Variants in POMK observed in about 807,000 individuals in gnomAD.
The protein encoded by POMK is protein O-mannose kinase, also known as Sugen kinase 196.
Under a neutral mutation model 23.0 loss-of-function variants are expected in POMK, and 19 were observed. The observed-to-expected ratio is 0.83, with a 90% CI of 0.58 to 1.21. The LOEUF (loss-of-function observed/expected upper bound fraction) is 1.21. Ranked by LOEUF, POMK falls within the 50% of genes most tolerant of loss-of-function variation. POMK has a pLI of 0.00. For synonymous variants in POMK, 173 were observed against 171.6 expected, an observed-to-expected ratio of 1.01 and a Z score of -0.06; for missense variants, 410 against 431.3, an observed-to-expected ratio of 0.95 and a Z score of 0.44.
rs544072441 is a variant in POMK at position 43,117,268 on chromosome 8, G to A, written c.283-4839G>A. 3.9e-5 allele frequency among the ~76,000 whole-genome samples: 6 copies of A among 152,346 alleles called. No homozygotes were observed. In the East Asian group the frequency reaches 9.6e-4, roughly 24 times the overall value. ...GGGCGTATATGTGCAAGTCACAGGG[G>A]ATGCGATGGCTTGGCTTGGGCTCAG... On this transcript the variant is annotated intron_variant, in intron 4 of 4. Coordinates refer to ENST00000331373, the MANE Select transcript of POMK (RefSeq NM_032237.5).
At position 43,122,288 on chromosome 8, in the gene POMK, G is replaced by C; in HGVS notation, c.464G>C (p.Gly155Ala). 1 of 1,614,178 alleles carries C rather than the reference G, an allele frequency of 6.2e-7. No homozygotes were observed. The change falls in exon 5 of 5, where the codon GGT (glycine) becomes GCT (alanine). Residue 155 changes from glycine (G) to alanine (A), a missense_variant. Coordinates refer to ENST00000331373, the MANE Select transcript of POMK (RefSeq NM_032237.5). ...NTMLTEYHPL[G>A]SLSNLEETLN... The stretch of plus-strand genomic sequence containing the variant: ...ATGCTTACTGAATATCACCCTCTAG[G>C]TTCCTTGAGTAACCTGGAAGAAACA...
intron 4 of POMK, among the ~76,000 whole-genome samples, chr8:43,110,648 T>A (rs1478423934): frequency 6.6e-6 from 1 of 152,200 alleles, no homozygotes; most frequent in Non-Finnish European, 1.5e-5. Context: ...CTGGGCGTGG[T>A]GGCTCACGCC....
chr8:43,108,037 C>G (rs1373946493), intron 4 of POMK, among the ~76,000 whole-genome samples: 1 of 152,170 alleles, frequency 6.6e-6, no homozygotes, highest in East Asian at 1.9e-4. Context: ...GAACTCTGTT[C>G]CATAAGGAAT....
chr8:43,122,978 GTTTT>G lies in POMK; in HGVS notation c.*106_*109del. 1.9e-6 allele frequency: 2 copies of G among 1,077,582 alleles called. No homozygotes were observed. Among genetic ancestry groups the G allele is most frequent in the Non-Finnish European group, 2.7e-6 (2 of 753,488 alleles). The allele number at this position is 1,077,582 out of a possible 1,614,324, so 66.8% of individuals were successfully genotyped here. On this transcript the variant is annotated 3_prime_UTR_variant, in exon 5 of 5. Coordinates refer to ENST00000331373, the MANE Select transcript of POMK (RefSeq NM_032237.5). ...TTTTGCCTGAGTTTCGTGTTTTATT[GTTTT>G]TTTTATGGCTTAGCCATGTGGTTCG...
At chr8:43,095,679 A>G (rs1184690927) in intron 1 of POMK, among the ~76,000 whole-genome samples, 3 of 152,294 alleles carry the variant, frequency 2.0e-5, no homozygotes, top group African/African-American at 4.8e-5. Context: ...CACTTGCACA[A>G]ATACCTTCCA....
At chr8:43,109,668 G>A (rs1811610235) in intron 4 of POMK, among the ~76,000 whole-genome samples, 1 of 151,772 alleles carries the variant, frequency 6.6e-6, no homozygotes, top group Non-Finnish European at 1.5e-5. Context: ...TCAGCCTCCC[G>A]AGTAGCTGGG....
chr8:43,100,049 C>T (rs1811406851), intron 2 of POMK, among the ~76,000 whole-genome samples: 1 of 152,172 alleles, frequency 6.6e-6, no homozygotes, highest in Admixed American at 6.5e-5. Context: ...GACAGAGAGT[C>T]ATCTGAGAGG....
At chr8:43,100,267 A>C (rs1163247945) in intron 2 of POMK, among the ~76,000 whole-genome samples, 1 of 152,114 alleles carries the variant, frequency 6.6e-6, no homozygotes, top group African/African-American at 2.4e-5. Context: ...GCCTTATGGC[A>C]GGTGAGGCTC....
intron 2 of POMK, among the ~76,000 whole-genome samples, chr8:43,101,011 G>A (rs1045917374): frequency 2.6e-5 from 4 of 152,230 alleles, no homozygotes; most frequent in Admixed American, 2.0e-4. Context: ...TCTGGAGTAC[G>A]CTCAAGAGCG....
intron 4 of POMK, among the ~76,000 whole-genome samples, chr8:43,106,987 G>A (rs548231976): frequency 2.0e-5 from 3 of 152,148 alleles, no homozygotes; most frequent in African/African-American, 7.2e-5. Flanking sequence ...CTTTGCAGCT[G>A]TCTGAGTATA....
chr8:43,093,838 G>A (rs1811274498), intron 1 of POMK, among the ~76,000 whole-genome samples: 1 of 152,240 alleles, frequency 6.6e-6, no homozygotes, highest in African/African-American at 2.4e-5. Flanking sequence ...TAATCCCAGC[G>A]CTTTGGGAGG....
At chr8:43,107,492 A>T (rs370790766) in intron 4 of POMK, among the ~76,000 whole-genome samples, 1 of 151,554 alleles carries the variant, frequency 6.6e-6, no homozygotes, top group African/African-American at 2.4e-5. Flanking sequence ...TTCCTGCCTC[A>T]GCCTCCTGAG....
intron 1 of POMK, among the ~76,000 whole-genome samples, chr8:43,094,805 A>G (rs1331986329): frequency 5.9e-5 from 9 of 152,090 alleles, no homozygotes; most frequent in Non-Finnish European, 4.4e-5. Flanking sequence ...GCCTTTCTCT[A>G]TCAATAAGCC....
intron 4 of POMK, 81 bp downstream of exon 4, chr8:43,103,911 A>G (rs1811498332): frequency 4.4e-6 from 6 of 1,374,932 alleles, no homozygotes; most frequent in Non-Finnish European, 6.1e-6. Context: ...CCATGCTGGC[A>G]CGGATTACGG....
At position 43,122,553 on chromosome 8, in the gene POMK, G is replaced by A. The variant is rs1029880562; in HGVS notation, c.729G>A (p.Lys243=). ...LVNHSSGMLV[K]CGHRELHGDF... is the part of the protein sequence containing the mutation. ...ACCACAGCTCCGGGATGCTGGTGAA[G>A]TGCGGCCACAGGGAGCTGCATGGGG... Residue 243 remains lysine, a synonymous_variant, in exon 5 of 5, where the codon AAG becomes AAA. Coordinates refer to ENST00000331373, the MANE Select transcript of POMK (RefSeq NM_032237.5). The A allele has an allele frequency of 3.1e-6, 5 of 1,614,224 alleles. No homozygotes were observed. Among genetic ancestry groups the A allele is most frequent in the Non-Finnish European group, 4.2e-6 (5 of 1,180,042 alleles).
Position 43,114,584 on chromosome 8 carries a change from G to T in POMK, c.283-7523G>T, listed in dbSNP as rs139202438. ...TTCCTGAGTGAGGCACTGCCTCGCC[G>T]TGCTTCGGCTCGTGCACGGTGCGCT... is the stretch of plus-strand genomic sequence containing the variant. On this transcript the variant is annotated intron_variant, in intron 4 of 4. Coordinates refer to ENST00000331373, the MANE Select transcript of POMK (RefSeq NM_032237.5). Among the ~76,000 whole-genome samples the T allele has an allele frequency of 2.5e-3, 383 of 152,312 alleles. 2 individuals are homozygous for T. The highest frequency in any genetic ancestry group is 0.011 in the South Asian group (53 of 4,830).
intron 4 of POMK, among the ~76,000 whole-genome samples, chr8:43,108,254 C>T (rs1295152638): frequency 6.6e-6 from 1 of 152,150 alleles, no homozygotes; most frequent in Non-Finnish European, 1.5e-5. Flanking sequence ...TTCCCAAGGG[C>T]TTTTACTGGC....
At chr8:43,112,544 C>T (rs377695645) in intron 4 of POMK, among the ~76,000 whole-genome samples, 1 of 152,050 alleles carries the variant, frequency 6.6e-6, no homozygotes, top group Non-Finnish European at 1.5e-5. Context: ...CCAACATTCA[C>T]ATTCAGGAAA....
chr8:43,119,022 A>G (rs895974548), intron 4 of POMK, among the ~76,000 whole-genome samples: 3 of 152,168 alleles, frequency 2.0e-5, no homozygotes, highest in African/African-American at 7.2e-5. Flanking sequence ...CATGTTAGCC[A>G]GGATGGTCTT....
Sources: allele counts gnomAD v4.1 joint callset (sites outside exome capture counted in the v4.1 genomes callset), GRCh38; gene constraint gnomAD v4.1.1; transcripts MANE v1.5; gene names NCBI Gene and HGNC (gene_info 2026-07-23, HGNC 2026-07-21).